The following NXPE4 variants were observed in gnomAD, a reference collection of about 807,000 sequenced individuals.
The protein encoded by NXPE4 is NXPE family member 4.
In NXPE4, 42 loss-of-function variants were observed where a neutral mutation model predicts 33.3. The ratio of observed to expected loss-of-function variants is 1.26; its 90% CI spans 0.98 to 1.63. The LOEUF is 1.63. Among genes scored for constraint, NXPE4 ranks in the 40% most tolerant of loss-of-function variants. NXPE4 has a pLI of 0.00. For missense variants in NXPE4, 709 were observed against 647.6 expected, an observed-to-expected ratio of 1.09 and a Z score of -1.03; for synonymous variants, 253 against 234.9, an observed-to-expected ratio of 1.08 and a Z score of -0.71.
chr11:114,576,862 A>G (rs957760941), intron 5 of NXPE4, among the ~76,000 whole-genome samples: 1 of 149,880 alleles, frequency 6.7e-6, no homozygotes, highest in African/African-American at 2.4e-5. Flanking sequence ...AAGAAAAGTC[A>G]TTATACGAAA....
chr11:114,656,770 A>C, the NXPE4 span, among the ~76,000 whole-genome samples: 1 of 152,164 alleles, frequency 6.6e-6, no homozygotes, highest in Non-Finnish European at 1.5e-5. Context: ...CTTGATATTT[A>C]TTATAAAATA....
chr11:114,584,349 G>T, intron 2 of NXPE4: 1 of 436,598 alleles, frequency 2.3e-6, no homozygotes. Context: ...TTAAACAGTG[G>T]CTGTTTGAGA....
chr11:114,632,722 TA>T, the NXPE4 span, among the ~76,000 whole-genome samples: 6 of 58,598 alleles, frequency 1.0e-4, no homozygotes, highest in African/African-American at 3.2e-4. Context: ...ATAATATATA[TA>T]ATATATAATA....
intron 2 of NXPE4, among the ~76,000 whole-genome samples, chr11:114,590,193 C>G (rs530821767): frequency 2.0e-5 from 3 of 152,200 alleles, no homozygotes; most frequent in Non-Finnish European, 4.4e-5. Context: ...GGATGATATA[C>G]TGCTCTGTGC....
At chr11:114,595,269 C>A (rs1434026657) in intron 1 of NXPE4, among the ~76,000 whole-genome samples, 1 of 152,088 alleles carries the variant, frequency 6.6e-6, no homozygotes, top group Non-Finnish European at 1.5e-5. Flanking sequence ...TCTAGCACCC[C>A]CTCAAGCTTG....
chr11:114,663,730 T>C, the NXPE4 span, among the ~76,000 whole-genome samples: 2 of 149,722 alleles, frequency 1.3e-5, no homozygotes, highest in Non-Finnish European at 3.0e-5. Context: ...TACCTACCTA[T>C]CTATTGGCGA....
At chr11:114,648,411 C>G in the NXPE4 span, among the ~76,000 whole-genome samples, 1 of 152,168 alleles carries the variant, frequency 6.6e-6, no homozygotes, top group South Asian at 2.1e-4. Flanking sequence ...TTCTCTCTTA[C>G]TCAGCGGAGG....
the NXPE4 span, among the ~76,000 whole-genome samples, chr11:114,634,777 T>A: frequency 9.9e-5 from 15 of 152,074 alleles, no homozygotes; most frequent in South Asian, 2.1e-4. Flanking sequence ...TAGTTGTAGA[T>A]ATGTGGCATT....
At chr11:114,641,765 A>T in the NXPE4 span, among the ~76,000 whole-genome samples, 1 of 152,122 alleles carries the variant, frequency 6.6e-6, no homozygotes, top group African/African-American at 2.4e-5. Flanking sequence ...ACATTTGATC[A>T]AGGGGAAAAG....
chr11:114,636,905 G>A, the NXPE4 span, among the ~76,000 whole-genome samples: 6 of 152,096 alleles, frequency 3.9e-5, no homozygotes, highest in African/African-American at 1.4e-4. Flanking sequence ...TTTTGGAATA[G>A]GTGTGGTGTG....
At chr11:114,622,376 G>T in the NXPE4 span, among the ~76,000 whole-genome samples, 185 of 152,010 alleles carry the variant, frequency 1.2e-3, no homozygotes, top group African/African-American at 4.1e-3. Flanking sequence ...TTACCAAGTG[G>T]ATAATAAGTA....
the NXPE4 span, among the ~76,000 whole-genome samples, chr11:114,665,016 GTT>G: frequency 2.0e-5 from 3 of 152,120 alleles, no homozygotes; most frequent in African/African-American, 7.2e-5. Context: ...CTTATGATGG[GTT>G]TAATGGAACA....
chr11:114,660,182 T>C, the NXPE4 span, among the ~76,000 whole-genome samples: 154 of 152,128 alleles, frequency 1.0e-3, 1 homozygote, highest in Admixed American at 8.3e-3. Flanking sequence ...TAATTCCTAA[T>C]GAAAAATCAG....
chr11:114,639,216 T>G, the NXPE4 span, among the ~76,000 whole-genome samples: 5 of 152,002 alleles, frequency 3.3e-5, no homozygotes, highest in African/African-American at 1.2e-4. Flanking sequence ...CAGTTTGATC[T>G]CAGACTGCTG....
the NXPE4 span, among the ~76,000 whole-genome samples, chr11:114,642,475 C>T: frequency 2.0e-5 from 3 of 152,020 alleles, no homozygotes; most frequent in Admixed American, 2.0e-4. Context: ...TCCCTGTGTC[C>T]ATGTGTTCTC....
intron 5 of NXPE4, among the ~76,000 whole-genome samples, chr11:114,575,100 C>T (rs186217002): frequency 1.2e-4 from 18 of 152,110 alleles, no homozygotes; most frequent in African/African-American, 3.9e-4. Context: ...ATCACATCAT[C>T]GTCTCAGCAG....
the NXPE4 span, among the ~76,000 whole-genome samples, chr11:114,638,462 A>G: frequency 1.9e-4 from 29 of 151,442 alleles, no homozygotes; most frequent in Middle Eastern, 6.8e-3. Flanking sequence ...TCTTCTCTCA[A>G]CTCATCAAAG....
chr11:114,622,707 G>A, the NXPE4 span, among the ~76,000 whole-genome samples: 1 of 151,828 alleles, frequency 6.6e-6, no homozygotes, highest in Non-Finnish European at 1.5e-5. Context: ...CCTTTTCCCG[G>A]TGGATAATAC....
chr11:114,581,821 T>G (rs1565332528), intron 3 of NXPE4, 35 bp from the exon 4 acceptor site: 3 of 1,470,128 alleles, frequency 2.0e-6, no homozygotes, highest in African/African-American at 1.4e-5. Flanking sequence ...AATCTGTAGG[T>G]GGCCTCAAAT....
Sources: allele counts gnomAD v4.1 joint callset (sites outside exome capture counted in the v4.1 genomes callset), GRCh38; gene constraint gnomAD v4.1.1; transcripts MANE v1.5; gene names NCBI Gene and HGNC (gene_info 2026-07-23, HGNC 2026-07-21).